RAB13: variants seen among roughly 807,000 people sequenced by gnomAD.
The protein encoded by RAB13 is RAB13, member RAS oncogene family.
Under a neutral mutation model 29.3 loss-of-function variants are expected in RAB13, and 15 were observed. That is an observed-to-expected ratio of 0.51 (90% CI 0.34 to 0.79). The LOEUF (loss-of-function observed/expected upper bound fraction) is 0.79, where lower values mean the gene tolerates loss of function less well. Among genes scored for constraint, RAB13 ranks in the 30% least tolerant of loss-of-function variants. The pLI, the probability that RAB13 is intolerant of heterozygous loss-of-function variation, is 0.01. For missense variants in RAB13, 186 were observed against 255.5 expected, an observed-to-expected ratio of 0.73 and a Z score of 1.85; for synonymous variants, 82 against 93.8, an observed-to-expected ratio of 0.87 and a Z score of 0.73.
At chr1:153,990,370 C>T (rs745875400), upstream of RAB13, among the ~76,000 whole-genome samples, 1 of 152,170 alleles carries the variant, frequency 6.6e-6, no homozygotes, top group Non-Finnish European at 1.5e-5. Context: ...CCGGCCTAAA[C>T]TGTTAAATTA....
chr1:153,989,083 C>T (rs2147864678), upstream of RAB13, among the ~76,000 whole-genome samples: 1 of 136,958 alleles, frequency 7.3e-6, no homozygotes, highest in South Asian at 2.2e-4. Flanking sequence ...CGACGCCCAG[C>T]TAAATTTTTT....
In RAB13 at chr1:153,982,532, C is replaced by T. The variant is rs945957540; in HGVS notation, c.480+3G>A. The T allele has an allele frequency of 1.9e-6, 3 of 1,611,730 alleles. No individual in the cohort carries two copies. The highest frequency in any genetic ancestry group is 2.5e-6 in the Non-Finnish European group (3 of 1,178,078). On this transcript the variant is annotated splice_donor_region_variant and intron_variant, in intron 6 of 7. Coordinates refer to ENST00000368575, the MANE Select transcript of RAB13 (RefSeq NM_002870.5). ...TGGTCGGGGATGGGGGTGTGGATCT[C>T]ACCTCATCCACATTCATACTGGATT...
chr1:153,989,962 C>T (rs948643487), upstream of RAB13, among the ~76,000 whole-genome samples: 2 of 152,130 alleles, frequency 1.3e-5, no homozygotes, highest in Non-Finnish European at 1.5e-5. Context: ...CTTCCGTGTC[C>T]ATGCTTGTCC....
chr1:153,988,028 A>G (rs892558772), upstream of RAB13, among the ~76,000 whole-genome samples: 31 of 151,636 alleles, frequency 2.0e-4, no homozygotes, highest in Middle Eastern at 3.4e-3. Flanking sequence ...CTCTGTCGCC[A>G]GGCTGGAGTG....
At chr1:153,983,068 TGAGCC>T (rs1222501369) in intron 4 of RAB13, 146 bp downstream of exon 4, 1 of 787,388 alleles carries the variant, frequency 1.3e-6, no homozygotes, top group Non-Finnish European at 2.2e-6. Flanking sequence ...GAGGTTGCAG[TGAGCC>T]GAGATCCTGC....
chr1:153,990,637 T>C (rs1249251978), upstream of RAB13: 4 of 866,368 alleles, frequency 4.6e-6, no homozygotes, highest in Non-Finnish European at 7.6e-6. Context: ...CTTCCGAAAA[T>C]GGCAGCTCCC....
upstream of RAB13, among the ~76,000 whole-genome samples, chr1:153,989,479 A>G (rs184214093): frequency 0.08 from 11,228 of 141,032 alleles, 587 homozygotes; most frequent in Non-Finnish European, 0.12. Context: ...TCGATCTCCT[A>G]ACCTCGTGAT....
In RAB13 at chr1:153,982,048, C is replaced by T. The variant is rs763178325; in HGVS notation, c.*51G>A. 5 of 1,508,070 alleles carry T rather than the reference C, an allele frequency of 3.3e-6. No homozygotes were observed. Among genetic ancestry groups the T allele is most frequent in the Non-Finnish European group, 4.6e-6 (5 of 1,084,634 alleles). 93.4% of individuals were successfully genotyped at this position (1,508,070 alleles called of 1,614,324 possible). On this transcript the variant is annotated 3_prime_UTR_variant, in exon 8 of 8. Transcript: ENST00000368575. ...TTTCTCCCCTGCTCACTCCCTCTGCCGTTGTCTCCCTCAGGTTCAGCTTCC... is the reference window on the plus strand; with the variant it reads ...TTTCTCCCCTGCTCACTCCCTCTGCTGTTGTCTCCCTCAGGTTCAGCTTCC...
rs997658090 is a variant in RAB13 at position 153,983,044 on chromosome 1, G to A, written c.324+175C>T. The A allele has an allele frequency of 2.3e-5, 17 of 746,978 alleles. No homozygotes were observed. The East Asian group carries it at 3.7e-4, about 16-fold the overall frequency. The allele number at this position is 746,978 out of a possible 1,614,324, so 46.3% of individuals were successfully genotyped here. On this transcript the variant is annotated intron_variant, in intron 4 of 7. Transcript: ENST00000368575. ...GGAGGCTGAGGCAGGAAAATCGTTT[G>A]AACCTGGGAGGCAGAGGTTGCAGTG... is the stretch of plus-strand genomic sequence containing the variant.
Position 153,983,071 on chromosome 1 carries a change from G to A in RAB13, c.324+148C>T, listed in dbSNP as rs1649044932. 3.8e-6 allele frequency: 3 copies of A among 799,036 alleles called. No homozygotes were observed. In the East Asian group the frequency reaches 7.3e-5, roughly 19 times the overall value. The allele number at this position is 799,036 out of a possible 1,614,324, so 49.5% of individuals were successfully genotyped here. Reference sequence around the variant, plus strand: ...ACCTGGGAGGCAGAGGTTGCAGTGAGCCGAGATCCTGCCATTGCACTCCAG... The same window carrying A: ...ACCTGGGAGGCAGAGGTTGCAGTGAACCGAGATCCTGCCATTGCACTCCAG... On this transcript the variant is annotated intron_variant, in intron 4 of 7. Coordinates refer to ENST00000368575, the MANE Select transcript of RAB13 (RefSeq NM_002870.5).
At chr1:153,989,884 CTG>C (rs1247633732), upstream of RAB13, among the ~76,000 whole-genome samples, 3 of 151,230 alleles carry the variant, frequency 2.0e-5, no homozygotes, top group Non-Finnish European at 4.4e-5. Flanking sequence ...AAGAGCAAAA[CTG>C]TGTCTAAAAA....
At chr1:153,982,946 A>G (rs1649038486) in intron 4 of RAB13, 138 bp from the exon 5 acceptor site, 1 of 854,956 alleles carries the variant, frequency 1.2e-6, no homozygotes, top group Non-Finnish European at 1.9e-6. Flanking sequence ...ACCAACATGG[A>G]GAAAACCCGT....
chr1:153,990,497 G>T (rs1227042922), upstream of RAB13, among the ~76,000 whole-genome samples: 1 of 152,180 alleles, frequency 6.6e-6, no homozygotes, highest in Non-Finnish European at 1.5e-5. Context: ...GGCTCCAACT[G>T]TCAAGGTATG....
upstream of RAB13, among the ~76,000 whole-genome samples, chr1:153,987,194 T>C (rs754537207): frequency 6.6e-6 from 1 of 152,080 alleles, no homozygotes; most frequent in Non-Finnish European, 1.5e-5. Context: ...GAAGCTGAAA[T>C]ATGAACAGCA....
chr1:153,986,356 C>G, upstream of RAB13: 3 of 799,546 alleles, frequency 3.8e-6, no homozygotes, highest in Non-Finnish European at 6.0e-6. Context: ...TCCTCCCTCT[C>G]CGCCCAGGCT....
upstream of RAB13, among the ~76,000 whole-genome samples, chr1:153,988,503 G>C (rs1649253088): frequency 6.9e-6 from 1 of 144,578 alleles, no homozygotes. Flanking sequence ...GTGTTAGCCA[G>C]GATGGTTTTG....
At chr1:153,984,895 C>T in intron 1 of RAB13, 114 bp from the exon 2 acceptor site, 1 of 1,405,680 alleles carries the variant, frequency 7.1e-7, no homozygotes. Flanking sequence ...GCAGGGGAGG[C>T]ACTTGGGGAA....
chr1:153,989,065 G>T (rs2147864663), upstream of RAB13, among the ~76,000 whole-genome samples: 1 of 143,814 alleles, frequency 7.0e-6, no homozygotes, highest in East Asian at 2.0e-4. Flanking sequence ...GATTACAGGC[G>T]CCTGCCACGA....
upstream of RAB13, among the ~76,000 whole-genome samples, chr1:153,990,368 A>T (rs1461230119): frequency 6.6e-6 from 1 of 152,208 alleles, no homozygotes; most frequent in Non-Finnish European, 1.5e-5. Flanking sequence ...GCCCGGCCTA[A>T]ACTGTTAAAT....
Sources: gnomAD v4.1 joint callset for allele counts (sites outside exome capture counted in the v4.1 genomes callset) on GRCh38, gnomAD v4.1.1 for gene constraint, MANE v1.5 for transcripts, NCBI Gene and HGNC (gene_info 2026-07-23, HGNC 2026-07-21) for gene names.